Variants in KBTBD12 observed in about 807,000 individuals in gnomAD.
The protein encoded by KBTBD12 is kelch repeat and BTB domain-containing protein 12.
Under a neutral mutation model 58.7 loss-of-function variants are expected in KBTBD12, and 53 were observed. The ratio of observed to expected loss-of-function variants is 0.90; its 90% CI spans 0.72 to 1.14. The LOEUF (loss-of-function observed/expected upper bound fraction) is 1.14, where lower values mean the gene tolerates loss of function less well. Among genes scored for constraint, KBTBD12 ranks in the 50% most tolerant of loss-of-function variants. The pLI is 0.00. For synonymous variants in KBTBD12, 236 were observed against 259.8 expected (o/e 0.91, Z 0.88); for missense variants, 704 against 751.3 (o/e 0.94, Z 0.74).
At chr3:127,928,862 T>TTGGA (rs1393411369) in intron 3 of KBTBD12, among the ~76,000 whole-genome samples, 9 of 152,258 alleles carry the variant, frequency 5.9e-5, no homozygotes, top group Admixed American at 3.3e-4. Context: ...TTCCAGAAGC[T>TTGGA]TGGATTTTGC....
intron 4 of KBTBD12, among the ~76,000 whole-genome samples, chr3:127,956,467 A>C (rs2107606497): frequency 6.6e-6 from 1 of 152,292 alleles, no homozygotes; most frequent in East Asian, 1.9e-4. Context: ...TGGACAAAAA[A>C]AAAAAAAAAT....
Position 127,985,395 on chromosome 3 carries a change from C to T in KBTBD12, c.*1117C>T, listed in dbSNP as rs1287625127. 2.6e-5 allele frequency: 4 copies of T among 152,200 alleles called. No individual in the cohort carries two copies. Among genetic ancestry groups the T allele is most frequent in the African/African-American group, 9.7e-5 (4 of 41,432 alleles). The allele number at this position is 152,200 out of a possible 1,614,324, so 9.4% of individuals were successfully genotyped here. A position where few individuals can be genotyped will look rare whatever the true frequency, so the allele number is the denominator to read the frequency against. The stretch of plus-strand genomic sequence containing the variant: ...ACATTTAAATGACACATGGGAAGTC[C>T]GTCTATCTTACTTCCCGTCTCTAAT... On this transcript the variant is annotated 3_prime_UTR_variant, in exon 6 of 6. Coordinates refer to ENST00000405109, the MANE Select transcript of KBTBD12 (RefSeq NM_207335.4).
intron 5 of KBTBD12, among the ~76,000 whole-genome samples, chr3:127,972,415 T>G (rs1940698451): frequency 6.6e-6 from 1 of 151,692 alleles, no homozygotes; most frequent in African/African-American, 2.4e-5. Context: ...CAGTCAGGGT[T>G]AAGAGCCTGG....
Position 127,923,189 on chromosome 3 carries a change from C to T in KBTBD12, c.128C>T (p.Pro43Leu), listed in dbSNP as rs1436611142. ...VVLTAEGEKF[P>L]CHRLVLAAFS... ...CTCACAGCAGAAGGAGAGAAATTTC[C>T]TTGCCACAGACTGGTCCTGGCTGCA... The change falls in exon 2 of 6, where the codon CCT becomes CTT. Residue 43 changes from proline to leucine, a missense_variant. Coordinates refer to ENST00000405109, the MANE Select transcript of KBTBD12 (RefSeq NM_207335.4). 1.2e-6 allele frequency: 2 copies of T among 1,613,664 alleles called. No individual in the cohort carries two copies. The highest frequency in any genetic ancestry group is 2.7e-5 in the African/African-American group (2 of 74,910).
At chr3:127,967,445 G>A (rs1030737803) in intron 5 of KBTBD12, among the ~76,000 whole-genome samples, 3 of 152,214 alleles carry the variant, frequency 2.0e-5, no homozygotes, top group Non-Finnish European at 4.4e-5. Context: ...TGCCTTAACT[G>A]TACTGGAAAA....
chr3:127,927,668 C>G, intron 2 of KBTBD12, 96 bp from the exon 3 acceptor site: 1 of 910,146 alleles, frequency 1.1e-6, no homozygotes, highest in East Asian at 2.6e-5. Flanking sequence ...AGAACCATAT[C>G]TCATTATTTT....
Position 127,958,944 on chromosome 3 carries a change from C to G in KBTBD12, c.1493-4245C>G, listed in dbSNP as rs139476109. On this transcript the variant is annotated intron_variant, in intron 4 of 5. Transcript: ENST00000405109. ...ATTGATGAGCACTGCACAGTATCAA[C>G]CAGAATCCGGTAGAAGGCAGGTAAG... Among the ~76,000 whole-genome samples the G allele has an allele frequency of 9.2e-5, 14 of 152,246 alleles. No homozygotes were observed. The East Asian group carries it at 2.3e-3, about 25-fold the overall frequency.
intron 5 of KBTBD12, among the ~76,000 whole-genome samples, chr3:127,979,887 A>G (rs1206436195): frequency 6.6e-6 from 1 of 152,246 alleles, no homozygotes; most frequent in Non-Finnish European, 1.5e-5. Flanking sequence ...TACAAATTAT[A>G]GAAGTAATAT....
intron 4 of KBTBD12, among the ~76,000 whole-genome samples, chr3:127,947,464 G>C (rs749151591): frequency 3.9e-5 from 6 of 152,202 alleles, no homozygotes; most frequent in Non-Finnish European, 7.3e-5. Flanking sequence ...CAACTTCAGA[G>C]TTGTTTAGCT....
At chr3:127,944,167 G>A (rs1437711056) in intron 4 of KBTBD12, among the ~76,000 whole-genome samples, 1 of 152,108 alleles carries the variant, frequency 6.6e-6, no homozygotes, top group African/African-American at 2.4e-5. Flanking sequence ...GCAATTTGGA[G>A]TCGTTCATGG....
chr3:127,965,452 T>C (rs1284217075), intron 5 of KBTBD12, among the ~76,000 whole-genome samples: 1 of 152,242 alleles, frequency 6.6e-6, no homozygotes, highest in African/African-American at 2.4e-5. Flanking sequence ...AACAATTGTA[T>C]AATAACATAC....
chr3:127,932,747 C>A (rs1438225756), intron 4 of KBTBD12, among the ~76,000 whole-genome samples: 3 of 152,078 alleles, frequency 2.0e-5, no homozygotes, highest in Non-Finnish European at 2.9e-5. Flanking sequence ...GGATTGCCTA[C>A]CTCTTTGAGA....
Position 127,966,176 on chromosome 3 carries a change from T to C in KBTBD12, c.1690+2790T>C, listed in dbSNP as rs115512633. Among the ~76,000 whole-genome samples, 1,043 of 152,304 alleles carry C rather than the reference T, an allele frequency of 6.8e-3. 10 individuals carry two copies. The highest frequency in any genetic ancestry group is 0.023 in the African/African-American group (974 of 41,564). ...TTGAATATTGAGGTCCTCAGCCTCCTTCCCTCCCTGACTCTCAGAATATGC... is the reference window on the plus strand; with the variant it reads ...TTGAATATTGAGGTCCTCAGCCTCCCTCCCTCCCTGACTCTCAGAATATGC... On this transcript the variant is annotated intron_variant, in intron 5 of 5. Coordinates refer to ENST00000405109, the MANE Select transcript of KBTBD12 (RefSeq NM_207335.4).
At chr3:127,970,750 A>G (rs971623071) in intron 5 of KBTBD12, among the ~76,000 whole-genome samples, 3 of 152,232 alleles carry the variant, frequency 2.0e-5, no homozygotes, top group Non-Finnish European at 4.4e-5. Flanking sequence ...GGATAGAGGC[A>G]GAAAGTAGAT....
chr3:127,917,423 T>C (rs915004164), intron 1 of KBTBD12, among the ~76,000 whole-genome samples: 1 of 152,222 alleles, frequency 6.6e-6, no homozygotes, highest in Non-Finnish European at 1.5e-5. Flanking sequence ...ACCCTCCACA[T>C]GTTCAGCTAT....
intron 5 of KBTBD12, among the ~76,000 whole-genome samples, chr3:127,973,857 C>T (rs549336608): frequency 6.6e-6 from 1 of 152,258 alleles, no homozygotes; most frequent in Non-Finnish European, 1.5e-5. Flanking sequence ...TCTGTTTTAT[C>T]CTAGTACTAA....
chr3:127,923,892 G>C lies in KBTBD12; in HGVS notation c.831G>C (p.Leu277=). 1 of 1,613,914 alleles carries C rather than the reference G, an allele frequency of 6.2e-7. No individual in the cohort carries two copies. The stretch of plus-strand genomic sequence containing the variant: ...ATGGTATGGAGACTACCAGTCTTCT[G>C]CTTTGCATTGGCAACAATTCTTCAG... ...LRYGMETTSL[L]LCIGNNSSGI... The change falls in exon 2 of 6, where the codon CTG becomes CTC. Residue 277 remains leucine, a synonymous_variant. Coordinates refer to ENST00000405109, the MANE Select transcript of KBTBD12 (RefSeq NM_207335.4).
intron 5 of KBTBD12, among the ~76,000 whole-genome samples, chr3:127,977,301 T>G (rs757499941): frequency 6.6e-6 from 1 of 152,236 alleles, no homozygotes; most frequent in Non-Finnish European, 1.5e-5. Flanking sequence ...ATAATACACA[T>G]GCATGTGTCT....
chr3:127,936,781 C>T (rs192106703), intron 4 of KBTBD12, among the ~76,000 whole-genome samples: 2 of 152,194 alleles, frequency 1.3e-5, no homozygotes, highest in African/African-American at 4.8e-5. Flanking sequence ...TCTGTGTAAC[C>T]ATATACTAGA....
Sources: allele counts gnomAD v4.1 joint callset (sites outside exome capture counted in the v4.1 genomes callset), GRCh38; gene constraint gnomAD v4.1.1; transcripts MANE v1.5; gene names NCBI Gene and HGNC (gene_info 2026-07-23, HGNC 2026-07-21).